The following ANO3 variants were observed in gnomAD, a reference collection of about 807,000 sequenced individuals.
ANO3 encodes anoctamin 3, also known as anoctamin-3.
ANO3 carries 99 observed loss-of-function variants against 144.8 expected under a neutral mutation model. That is an observed-to-expected ratio of 0.68 (90% CI 0.58 to 0.81). ANO3 has a LOEUF of 0.81. Among genes scored for constraint, ANO3 ranks in the 30% least tolerant of loss-of-function variants. The pLI, the probability that ANO3 is intolerant of heterozygous loss-of-function variation, is 0.00. For synonymous variants in ANO3, 414 were observed against 392.6 expected (o/e 1.05, Z -0.64); for missense variants, 905 against 1,202.2 (o/e 0.75, Z 3.66).
At chr11:26,317,662 G>A (rs1450314330) in intron 1 of ANO3, among the ~76,000 whole-genome samples, 1 of 151,992 alleles carries the variant, frequency 6.6e-6, no homozygotes, top group African/African-American at 2.4e-5. Context: ...TGTTGGTAGG[G>A]GTGTAAATTA....
intron 4 of ANO3, among the ~76,000 whole-genome samples, chr11:26,467,800 T>C (rs1452349549): frequency 6.6e-6 from 1 of 151,880 alleles, no homozygotes. Context: ...TTACTTTCTG[T>C]CTTACCTCTT....
At chr11:26,463,591 T>A (rs1333699635) in intron 4 of ANO3, among the ~76,000 whole-genome samples, 1 of 151,876 alleles carries the variant, frequency 6.6e-6, no homozygotes, top group African/African-American at 2.4e-5. Flanking sequence ...TTGACAAGAT[T>A]ATTGGAAGAC....
At chr11:26,627,446 T>A (rs75095805) in intron 18 of ANO3, among the ~76,000 whole-genome samples, 11,190 of 151,986 alleles carry the variant, frequency 0.074, 610 homozygotes, top group South Asian at 0.16. Flanking sequence ...GCCTGACACA[T>A]GACAAGTGTA....
chr11:26,361,981 A>G (rs911385719), intron 1 of ANO3, among the ~76,000 whole-genome samples: 2 of 152,156 alleles, frequency 1.3e-5, no homozygotes, highest in African/African-American at 4.8e-5. Context: ...GATTCAGGGG[A>G]ATTAATGGAG....
chr11:26,570,346 A>C (rs550689151), intron 14 of ANO3, among the ~76,000 whole-genome samples: 15 of 152,062 alleles, frequency 9.9e-5, no homozygotes, highest in Non-Finnish European at 1.8e-4. Context: ...CAGTAAGGGA[A>C]GCAAACCCAC....
At chr11:26,655,814 C>T (rs1397735059) in intron 24 of ANO3, among the ~76,000 whole-genome samples, 3 of 151,850 alleles carry the variant, frequency 2.0e-5, no homozygotes, top group East Asian at 1.9e-4. Flanking sequence ...ATTTATAAAA[C>T]ATATTTTATA....
chr11:26,216,333 T>C (rs370186992), intron 1 of ANO3, among the ~76,000 whole-genome samples: 59 of 152,080 alleles, frequency 3.9e-4, no homozygotes, highest in Middle Eastern at 3.4e-3. Flanking sequence ...CTCCTGAAAC[T>C]GAACACAACC....
At chr11:26,631,630 A>T (rs1852783421) in intron 18 of ANO3, among the ~76,000 whole-genome samples, 1 of 152,184 alleles carries the variant, frequency 6.6e-6, no homozygotes, top group African/African-American at 2.4e-5. Flanking sequence ...AACTGAATTT[A>T]AAAAGCTGAA....
chr11:26,531,173 T>C (rs1390656401), intron 7 of ANO3, 32 bp from the exon 8 acceptor site: 1 of 1,612,496 alleles, frequency 6.2e-7, no homozygotes, highest in East Asian at 2.2e-5. Flanking sequence ...GAATACAACC[T>C]AATCTAGTTC....
At chr11:26,476,903 ATGTGTGTGTG>A (rs61676196) in intron 4 of ANO3, among the ~76,000 whole-genome samples, 1 of 141,426 alleles carries the variant, frequency 7.1e-6, no homozygotes, top group Non-Finnish European at 1.5e-5. Context: ...GTGTGTGTGT[ATGTGTGTGTG>A]TGTGTGTGTG....
chr11:26,567,058 C>G (rs910782425), intron 14 of ANO3: 1 of 1,508,728 alleles, frequency 6.6e-7, no homozygotes, highest in African/African-American at 1.4e-5. Context: ...TTACAACAAT[C>G]CCTTGATGTG....
chr11:26,416,644 C>G (rs1393967063), intron 1 of ANO3, among the ~76,000 whole-genome samples: 2 of 151,992 alleles, frequency 1.3e-5, no homozygotes, highest in East Asian at 3.9e-4. Context: ...CCAGGATGGT[C>G]TCGATCTCCT....
intron 1 of ANO3, among the ~76,000 whole-genome samples, chr11:26,230,747 AGATC>A (rs1852373436): frequency 7.7e-6 from 1 of 129,662 alleles, no homozygotes; most frequent in African/African-American, 2.9e-5. Context: ...CAGTGAGCCG[AGATC>A]CCACTACTGC....
At chr11:26,653,676 C>A (rs76420226) in intron 24 of ANO3, among the ~76,000 whole-genome samples, 30 of 151,974 alleles carry the variant, frequency 2.0e-4, no homozygotes, top group South Asian at 6.3e-4. Context: ...GTCCCCAGTA[C>A]GTGCCAAGGT....
At chr11:26,623,607 A>G (rs1297453071) in intron 17 of ANO3, among the ~76,000 whole-genome samples, 1 of 152,166 alleles carries the variant, frequency 6.6e-6, no homozygotes, top group Non-Finnish European at 1.5e-5. Context: ...TGACTTATGC[A>G]TCTGTTTTAA....
chr11:26,452,770 C>T (rs1192820605), intron 3 of ANO3, among the ~76,000 whole-genome samples: 1 of 130,012 alleles, frequency 7.7e-6, no homozygotes, highest in Non-Finnish European at 1.6e-5. Context: ...CCCCAAGACA[C>T]ATAATTGTCA....
chr11:26,217,613 TA>T (rs1476322271), intron 1 of ANO3, among the ~76,000 whole-genome samples: 13 of 152,094 alleles, frequency 8.5e-5, no homozygotes, highest in African/African-American at 2.7e-4. Context: ...TGCATATACA[TA>T]GGGGTGATGT....
At chr11:26,359,117 A>G (rs559079757) in intron 1 of ANO3, among the ~76,000 whole-genome samples, 4 of 152,338 alleles carry the variant, frequency 2.6e-5, no homozygotes, top group South Asian at 2.1e-4. Context: ...AAAATTTTAT[A>G]TTGGAAACCA....
In ANO3 at chr11:26,635,055, G is replaced by A. The variant is rs1852907388; in HGVS notation, c.2028G>A (p.Arg676=). 1 of 1,613,470 alleles carries A rather than the reference G, an allele frequency of 6.2e-7. No homozygotes were observed. The highest frequency in any genetic ancestry group is 1.3e-5 in the African/African-American group (1 of 74,902). The change falls in exon 20 of 27, where the codon CGG becomes CGA. Residue 676 remains arginine, a synonymous_variant. Transcript: ENST00000256737. ...GAAAATACAATAAACTTTTTGACCG[G>A]TGGAGACTGGAGGAAGTAAGTAACT... The part of the protein sequence containing the change: ...HPGKYNKLFD[R]WRLEECHPSG...
Sources: allele counts gnomAD v4.1 joint callset (sites outside exome capture counted in the v4.1 genomes callset), GRCh38; gene constraint gnomAD v4.1.1; transcripts MANE v1.5; gene names NCBI Gene and HGNC (gene_info 2026-07-23, HGNC 2026-07-21).